ZNF410: variants seen among roughly 807,000 people sequenced by gnomAD.
ZNF410 encodes zinc finger protein 410.
Under a neutral mutation model 54.8 loss-of-function variants are expected in ZNF410, and 18 were observed. That is an observed-to-expected ratio of 0.33 (90% CI 0.23 to 0.49). ZNF410 has a LOEUF of 0.49. ZNF410 is among the 20% of genes least tolerant of loss of function. ZNF410 has a pLI of 0.99. For missense variants in ZNF410, 405 were observed against 569.6 expected (o/e 0.71, Z 2.94); for synonymous variants, 191 against 207.3 (o/e 0.92, Z 0.68).
chr14:73,899,317 A>G (rs1357713061), intron 5 of ZNF410, among the ~76,000 whole-genome samples: 1 of 149,668 alleles, frequency 6.7e-6, no homozygotes, highest in Non-Finnish European at 1.5e-5. Context: ...CTCTGTTGCC[A>G]GACAGGTCTC....
chr14:73,906,906 T>G (rs72627128), intron 7 of ZNF410, among the ~76,000 whole-genome samples: 11,537 of 152,174 alleles, frequency 0.076, 885 homozygotes, highest in East Asian at 0.44. Context: ...GTTCCTTCTC[T>G]TTTACTCAGT....
chr14:73,903,102 T>G (rs1209504261), intron 5 of ZNF410, among the ~76,000 whole-genome samples: 4 of 152,214 alleles, frequency 2.6e-5, no homozygotes, highest in Admixed American at 6.5e-5. Context: ...CCAGAATGAC[T>G]ACTTCTTCTT....
At chr14:73,901,590 C>T (rs747084526) in intron 5 of ZNF410, among the ~76,000 whole-genome samples, 5 of 151,732 alleles carry the variant, frequency 3.3e-5, no homozygotes, top group South Asian at 2.1e-4. Context: ...ATCTATAAAA[C>T]GGAATCCAGA....
chr14:73,894,079 A>G (rs1764266193), intron 3 of ZNF410, 147 bp downstream of exon 3: 8 of 1,000,316 alleles, frequency 8.0e-6, no homozygotes, highest in Non-Finnish European at 1.2e-5. Context: ...CAACCATGAA[A>G]TCATTAGTGC....
intron 7 of ZNF410, among the ~76,000 whole-genome samples, chr14:73,907,152 A>G (rs1021293527): frequency 1.1e-4 from 16 of 152,208 alleles, no homozygotes; most frequent in African/African-American, 3.9e-4. Flanking sequence ...AACTTGCCCA[A>G]CATCATGCAG....
intron 11 of ZNF410, chr14:73,927,819 TA>T (rs2055855027): frequency 6.6e-6 from 1 of 150,796 alleles, no homozygotes; most frequent in Non-Finnish European, 1.4e-5. Context: ...AGTGACCAAT[TA>T]ATCAACCGGC....
In ZNF410 at chr14:73,932,082, T is replaced by C. The variant is rs772843822; in HGVS notation, c.*541T>C. The C allele has an allele frequency of 2.2e-6, 1 of 454,452 alleles. No individual in the cohort carries two copies. The highest frequency in any genetic ancestry group is 4.4e-6 in the Non-Finnish European group (1 of 225,342). The allele number at this position is 454,452 out of a possible 1,614,324, so 28.2% of individuals were successfully genotyped here. ...TGCCACTGGGCTGCAAAAAAATAAA[T>C]TACTTGAATCTCCCCTTGGCCCAGG... On this transcript the variant is annotated 3_prime_UTR_variant, in exon 12 of 12. Transcript: ENST00000555044.
rs138716591 is a variant in ZNF410 at position 73,921,092 on chromosome 14, G to T, written c.1116G>T (p.Glu372Asp). The T allele has an allele frequency of 3.3e-5, 54 of 1,614,066 alleles. No homozygotes were observed. The African/African-American group carries it at 6.5e-4, about 20-fold the overall frequency. ...AGCTGGGAGCAGCTGGGAGTCAAGA[G>T]CAGGAGCAAACTGGTGAGGAGGGTG... ...HLQLGAAGSQ[E>D]QEQTAEPLMG... Residue 372 changes from glutamate to aspartate, a missense_variant, in exon 9 of 12, where the codon GAG (glutamate) becomes GAT (aspartate). Coordinates refer to ENST00000555044, the MANE Select transcript of ZNF410 (RefSeq NM_021188.3).
chr14:73,904,144 C>T (rs547911591), intron 6 of ZNF410, 34 bp downstream of exon 6: 38 of 1,587,538 alleles, frequency 2.4e-5, no homozygotes, highest in Middle Eastern at 3.4e-4. Flanking sequence ...TTTGGATATA[C>T]GTTGATGCAA....
intron 8 of ZNF410, among the ~76,000 whole-genome samples, chr14:73,909,987 A>ACTG (rs1164585791): frequency 6.6e-6 from 1 of 152,190 alleles, no homozygotes; most frequent in Non-Finnish European, 1.5e-5. Flanking sequence ...CCTTAAATTA[A>ACTG]TTCCCTGCAA....
intron 3 of ZNF410, 68 bp from the exon 4 acceptor site, chr14:73,896,248 T>A (rs2055315368): frequency 1.8e-6 from 2 of 1,133,348 alleles, no homozygotes; most frequent in South Asian, 2.6e-5. Context: ...TGTTGGGTGC[T>A]GTGTATCAAA....
At chr14:73,896,682 T>C (rs1385378239) in intron 4 of ZNF410, 148 bp downstream of exon 4, 3 of 670,258 alleles carry the variant, frequency 4.5e-6, no homozygotes, top group Admixed American at 2.9e-5. Flanking sequence ...CATTTGAATA[T>C]GTAGAGGGAG....
intron 8 of ZNF410, among the ~76,000 whole-genome samples, chr14:73,918,610 C>G (rs2055704670): frequency 6.6e-6 from 1 of 150,554 alleles, no homozygotes; most frequent in Non-Finnish European, 1.5e-5. Context: ...GACCATGTCT[C>G]TCTTTCTCCA....
At position 73,894,461 on chromosome 14, in the gene ZNF410, G is replaced by C. The variant is rs11846093; in HGVS notation, c.169+529G>C. 3.6e-3 allele frequency: 2,499 copies of C among 689,960 alleles called. 40 individuals are homozygous for C. The African/African-American group carries it at 0.041, about 11-fold the overall frequency. 42.7% of individuals were successfully genotyped at this position (689,960 alleles called of 1,614,324 possible). A position where few individuals can be genotyped will look rare whatever the true frequency, so the allele number is the denominator to read the frequency against. ...TTTTGAGATGGAGTGTCACTCTGTC[G>C]CCCAGGCTGGAGTGTAGTGACGCAA... On this transcript the variant is annotated intron_variant, in intron 3 of 11. Coordinates refer to ENST00000555044, the MANE Select transcript of ZNF410 (RefSeq NM_021188.3).
At chr14:73,908,503 G>A (rs374548749) in intron 7 of ZNF410, among the ~76,000 whole-genome samples, 1 of 152,112 alleles carries the variant, frequency 6.6e-6, no homozygotes, top group South Asian at 2.1e-4. Flanking sequence ...CCGGTGGAGA[G>A]TCTCAAACAT....
intron 7 of ZNF410, among the ~76,000 whole-genome samples, chr14:73,905,968 C>CACAT (rs1461702433): frequency 2.2e-4 from 17 of 78,944 alleles, no homozygotes; most frequent in African/African-American, 6.3e-4. Context: ...CACACACACA[C>CACAT]ATATATATAT....
chr14:73,904,797 GT>G, intron 6 of ZNF410, 104 bp from the exon 7 acceptor site: 5 of 1,300,498 alleles, frequency 3.8e-6, no homozygotes, highest in Non-Finnish European at 4.2e-6. Context: ...GATATATCCA[GT>G]TTTTGGACTT....
In ZNF410 at chr14:73,922,068, G is replaced by T; in HGVS notation, c.1132G>T (p.Glu378Ter). ...AGSQEQEQTA[E>*]PLMGSSLLEE... ...CTCACAACCTATTCTCTGTGCAGCT[G>T]AGCCACTAATGGGCAGTAGTTTGCT... The change falls in exon 10 of 12, where the codon GAG becomes TAG. Residue 378 changes from glutamate (E) to a stop codon, truncating the protein, a stop_gained and splice_region_variant. Transcript: ENST00000555044. LOFTEE classifies it high-confidence loss of function. 1 of 1,614,050 alleles carries T rather than the reference G, an allele frequency of 6.2e-7. No homozygotes were observed. Among genetic ancestry groups the T allele is most frequent in the South Asian group, 1.1e-5 (1 of 91,068 alleles).
chr14:73,888,517 A>C (rs8008877), intron 1 of ZNF410, among the ~76,000 whole-genome samples: 51,082 of 151,988 alleles, frequency 0.34, 9,685 homozygotes, highest in Non-Finnish European at 0.42. Flanking sequence ...TTTCCTTGTG[A>C]GGTGATGAAA....
Sources: allele counts gnomAD v4.1 joint callset (sites outside exome capture counted in the v4.1 genomes callset), GRCh38; gene constraint gnomAD v4.1.1; transcripts MANE v1.5; gene names NCBI Gene and HGNC (gene_info 2026-07-23, HGNC 2026-07-21).